ADGRG6: variants seen among roughly 807,000 people sequenced by gnomAD.
The protein encoded by ADGRG6 is G-protein coupled receptor 126.
In ADGRG6, 84 loss-of-function variants were observed where a neutral mutation model predicts 142.4. That is an observed-to-expected ratio of 0.59 (90% CI 0.49 to 0.71). The LOEUF is 0.71. Ranked by LOEUF, ADGRG6 falls within the 30% of genes least tolerant of loss-of-function variation. ADGRG6 has a pLI of 0.00. For synonymous variants in ADGRG6, 521 were observed against 520.5 expected (o/e 1.00, Z -0.01); for missense variants, 1,367 against 1,466.6 (o/e 0.93, Z 1.11).
intron 1 of ADGRG6, among the ~76,000 whole-genome samples, chr6:142,304,978 AAAG>A (rs1562296430): frequency 6.6e-6 from 1 of 152,230 alleles, no homozygotes; most frequent in African/African-American, 2.4e-5. Context: ...GCCTTAAAAA[AAAG>A]CTTCAAGATC....
In ADGRG6 at chr6:142,403,912, G is replaced by C; in HGVS notation, c.2066G>C (p.Gly689Ala). ...CTCAGCGTATCATCCCTGTTACCAGGGACAAATGCAATTTCAAATTTTAGC... is the reference window on the plus strand; with the variant it reads ...CTCAGCGTATCATCCCTGTTACCAGCGACAAATGCAATTTCAAATTTTAGC... ...LALSVSSLLP[G>A]TNAISNFSIG... The change falls in exon 14 of 25, where the codon GGG becomes GCG. Residue 689 changes from glycine (G) to alanine (A), a missense_variant. Around this residue, in one of 3 missense-constraint regions of ADGRG6, gnomAD observed 286 missense variants for 371.4 expected, o/e 0.77. Transcript: ENST00000367609. 1 of 1,610,724 alleles carries C rather than the reference G, an allele frequency of 6.2e-7. No homozygotes were observed. Among genetic ancestry groups the C allele is most frequent in the Non-Finnish European group, 8.5e-7 (1 of 1,177,298 alleles).
rs1308167206 is a variant in ADGRG6 at position 142,302,309 on chromosome 6, C to A, written c.-21C>A. On this transcript the variant is annotated 5_prime_UTR_variant, in exon 1 of 25. Coordinates refer to ENST00000367609, the MANE Select transcript of ADGRG6 (RefSeq NM_198569.3). ...AGGATGATCTTGCGGCCAAAGGGGA[C>A]CTCGGCGCAGTAATGTCAACATGTA... The A allele has an allele frequency of 6.2e-7, 1 of 1,612,502 alleles. No individual in the cohort carries two copies. Among genetic ancestry groups the A allele is most frequent in the Admixed American group, 1.7e-5 (1 of 59,894 alleles).
chr6:142,440,407 C>T (rs1291684396), intron 24 of ADGRG6, among the ~76,000 whole-genome samples: 1 of 152,116 alleles, frequency 6.6e-6, no homozygotes, highest in Non-Finnish European at 1.5e-5. Context: ...AGCAATCCTC[C>T]TACCTCAGCC....
chr6:142,322,258 C>T (rs564231632), intron 2 of ADGRG6, among the ~76,000 whole-genome samples: 2 of 152,112 alleles, frequency 1.3e-5, no homozygotes, highest in South Asian at 2.1e-4. Context: ...ATATTAGCCA[C>T]GCATGGTAGC....
intron 2 of ADGRG6, among the ~76,000 whole-genome samples, chr6:142,311,000 G>A (rs1283418103): frequency 6.6e-6 from 1 of 151,816 alleles, no homozygotes; most frequent in East Asian, 1.9e-4. Context: ...AAGGCTTCTT[G>A]AGACCACGGC....
intron 4 of ADGRG6, among the ~76,000 whole-genome samples, chr6:142,380,037 G>A (rs566253606): frequency 6.6e-6 from 1 of 152,038 alleles, no homozygotes; most frequent in African/African-American, 2.4e-5. Flanking sequence ...GTGGGGAGAG[G>A]GCTTCCAGGT....
intron 2 of ADGRG6, among the ~76,000 whole-genome samples, chr6:142,347,637 A>G (rs1367541819): frequency 6.6e-6 from 1 of 152,086 alleles, no homozygotes; most frequent in Non-Finnish European, 1.5e-5. Context: ...GGATATTACT[A>G]TTGAGCTCTT....
intron 2 of ADGRG6, among the ~76,000 whole-genome samples, chr6:142,344,101 A>G (rs539660297): frequency 6.6e-6 from 1 of 152,038 alleles, no homozygotes; most frequent in African/African-American, 2.4e-5. Flanking sequence ...TCCAGTTCAC[A>G]TGCTAATACA....
chr6:142,325,552 A>T (rs1582984104), intron 2 of ADGRG6, among the ~76,000 whole-genome samples: 1 of 152,292 alleles, frequency 6.6e-6, no homozygotes, highest in East Asian at 1.9e-4. Context: ...TTTTTGCAAT[A>T]TAATGAATTG....
intron 18 of ADGRG6, among the ~76,000 whole-genome samples, chr6:142,412,991 G>T (rs867956452): frequency 6.6e-6 from 1 of 151,248 alleles, no homozygotes; most frequent in Admixed American, 6.6e-5. Context: ...TTGTAATTAC[G>T]CATTATTTTT....
intron 2 of ADGRG6, among the ~76,000 whole-genome samples, chr6:142,329,372 G>A (rs909403803): frequency 3.3e-5 from 5 of 151,954 alleles, no homozygotes; most frequent in African/African-American, 1.2e-4. Context: ...TAATTTATTA[G>A]TAACTAAAAG....
rs138419212 is a variant in ADGRG6 at position 142,351,861 on chromosome 6, G to A, written c.104-15708G>A. On this transcript the variant is annotated intron_variant, in intron 2 of 24. Coordinates refer to ENST00000367609, the MANE Select transcript of ADGRG6 (RefSeq NM_198569.3). The stretch of plus-strand genomic sequence containing the variant: ...GGATTGGCAAGCAAAAAACAACCCC[G>A]TTATTACTCATCACTAATCATTAGA... Among the ~76,000 whole-genome samples, 1,132 of 151,918 alleles carry A rather than the reference G, an allele frequency of 7.5e-3. 5 individuals are homozygous for A. The highest frequency in any genetic ancestry group is 0.011 in the Non-Finnish European group (722 of 67,870).
chr6:142,436,093 C>T (rs986845098), intron 22 of ADGRG6, among the ~76,000 whole-genome samples: 3 of 151,840 alleles, frequency 2.0e-5, no homozygotes, highest in Non-Finnish European at 4.4e-5. Flanking sequence ...GTCCTTTGAG[C>T]AATATGTGTT....
intron 1 of ADGRG6, among the ~76,000 whole-genome samples, chr6:142,303,701 A>G (rs2114473352): frequency 6.6e-6 from 1 of 152,344 alleles, no homozygotes; most frequent in African/African-American, 2.4e-5. Context: ...AAAATATACT[A>G]GGGATTTTAC....
At chr6:142,379,276 A>T (rs1781642516) in intron 4 of ADGRG6, among the ~76,000 whole-genome samples, 1 of 152,130 alleles carries the variant, frequency 6.6e-6, no homozygotes, top group Non-Finnish European at 1.5e-5. Flanking sequence ...GCTAAATGTT[A>T]TGCATTCTAT....
intron 1 of ADGRG6, among the ~76,000 whole-genome samples, chr6:142,309,248 A>G (rs1375949509): frequency 6.6e-6 from 1 of 151,896 alleles, no homozygotes; most frequent in East Asian, 1.9e-4. Context: ...TTAATAAATA[A>G]TTTTTTTGAA....
At chr6:142,355,359 C>A (rs910721498) in intron 2 of ADGRG6, among the ~76,000 whole-genome samples, 1 of 151,852 alleles carries the variant, frequency 6.6e-6, no homozygotes, top group African/African-American at 2.4e-5. Context: ...TAATAATATA[C>A]CTATTATTAT....
intron 7 of ADGRG6, among the ~76,000 whole-genome samples, chr6:142,391,963 A>G (rs1774919420): frequency 1.3e-5 from 2 of 152,028 alleles, no homozygotes; most frequent in African/African-American, 4.8e-5. Context: ...TACTTCATGC[A>G]TGGTTTTCAA....
At chr6:142,438,157 C>G in intron 23 of ADGRG6, 55 bp from the exon 24 acceptor site, 1 of 1,132,784 alleles carries the variant, frequency 8.8e-7, no homozygotes, top group Non-Finnish European at 1.2e-6. Context: ...TTTTTCAGAG[C>G]AGTTCATATT....
Sources: allele counts gnomAD v4.1 joint callset (sites outside exome capture counted in the v4.1 genomes callset), GRCh38; gene constraint gnomAD v4.1.1; regional missense constraint gnomAD v4.1.1; transcripts MANE v1.5; gene names NCBI Gene and HGNC (gene_info 2026-07-23, HGNC 2026-07-21).